The following PTPRD variants were observed in gnomAD, a reference collection of about 807,000 sequenced individuals.
The protein encoded by PTPRD is receptor-type tyrosine-protein phosphatase delta.
In PTPRD, 34 loss-of-function variants were observed where a neutral mutation model predicts 214.5. The ratio of observed to expected loss-of-function variants is 0.16; its 90% CI spans 0.12 to 0.21. The LOEUF (loss-of-function observed/expected upper bound fraction) is 0.21. Among genes scored for constraint, PTPRD ranks in the 10% least tolerant of loss-of-function variants. PTPRD has a pLI of 1.00. For synonymous variants in PTPRD, 1,128 were observed against 845.7 expected, an observed-to-expected ratio of 1.33 and a Z score of -5.79; for missense variants, 2,545 against 2,398.7, an observed-to-expected ratio of 1.06 and a Z score of -1.27.
At chr9:9,019,207 AG>A (rs1569427159) in intron 10 of PTPRD, among the ~76,000 whole-genome samples, 228 of 151,196 alleles carry the variant, frequency 1.5e-3, no homozygotes, top group African/African-American at 5.3e-3. Flanking sequence ...ACAACATCAC[AG>A]GATTTTTATT....
Position 10,504,048 on chromosome 9 carries a change from A to G in PTPRD, c.-600+108350T>C, listed in dbSNP as rs200799678. Among the ~76,000 whole-genome samples, 16 of 136,476 alleles carry G rather than the reference A, an allele frequency of 1.2e-4. No homozygotes were observed. In the East Asian group the frequency reaches 2.1e-3, roughly 18 times the overall value. The allele number at this position is 136,476 out of a possible 152,430, so 89.5% of individuals were successfully genotyped here. On this transcript the variant is annotated intron_variant, in intron 2 of 45. Coordinates refer to ENST00000381196, the MANE Select transcript of PTPRD (RefSeq NM_002839.4). The stretch of plus-strand genomic sequence containing the variant: ...GGAGAATGGCGTGAACCCGGGAGGC[A>G]GAGCTTGCAGTGAGCCGAGATCGCG...
intron 9 of PTPRD, among the ~76,000 whole-genome samples, chr9:9,362,433 G>A (rs1382752224): frequency 6.6e-6 from 1 of 151,174 alleles, no homozygotes; most frequent in Non-Finnish European, 1.5e-5. Context: ...ACAACACAGT[G>A]TGATATCTAC....
At chr9:9,248,037 A>G (rs2099973829) in intron 9 of PTPRD, among the ~76,000 whole-genome samples, 1 of 152,030 alleles carries the variant, frequency 6.6e-6, no homozygotes, top group African/African-American at 2.4e-5. Flanking sequence ...GGTATTGAGT[A>G]ACGTGTTAAG....
At chr9:9,929,337 T>C (rs1266786156) in intron 5 of PTPRD, among the ~76,000 whole-genome samples, 2 of 152,180 alleles carry the variant, frequency 1.3e-5, no homozygotes, top group African/African-American at 4.8e-5. Flanking sequence ...TCTATACCCC[T>C]TGCTATCAAG....
chr9:10,288,963 G>A (rs536836085), intron 3 of PTPRD, among the ~76,000 whole-genome samples: 294 of 151,476 alleles, frequency 1.9e-3, no homozygotes, highest in Non-Finnish European at 1.9e-3. Flanking sequence ...TCAGTTGGGA[G>A]TATAAGATGT....
intron 9 of PTPRD, among the ~76,000 whole-genome samples, chr9:9,390,239 G>C (rs962638526): frequency 1.3e-5 from 2 of 152,164 alleles, no homozygotes; most frequent in African/African-American, 4.8e-5. Context: ...AGGAGGTTAG[G>C]TGATGGGCAA....
intron 37 of PTPRD, among the ~76,000 whole-genome samples, chr9:8,380,264 C>T (rs991226173): frequency 1.3e-5 from 2 of 152,026 alleles, no homozygotes; most frequent in Non-Finnish European, 1.5e-5. Context: ...ATTAGCCTTA[C>T]TGACTAAGTG....
chr9:8,652,522 C>T (rs138986744), intron 12 of PTPRD, among the ~76,000 whole-genome samples: 111 of 152,328 alleles, frequency 7.3e-4, no homozygotes, highest in East Asian at 5.4e-3. Context: ...TGTAGCAATG[C>T]TTTTCATCCA....
chr9:10,527,998 T>C (rs1664682944), intron 2 of PTPRD, among the ~76,000 whole-genome samples: 1 of 152,100 alleles, frequency 6.6e-6, no homozygotes, highest in African/African-American at 2.4e-5. Flanking sequence ...TTAAAGCTAA[T>C]CATGACCTAA....
At chr9:10,559,129 C>T (rs1240503927) in intron 2 of PTPRD, among the ~76,000 whole-genome samples, 1 of 151,954 alleles carries the variant, frequency 6.6e-6, no homozygotes, top group Admixed American at 6.6e-5. Flanking sequence ...AACATGAAGA[C>T]CTTAAATGCT....
At chr9:9,229,894 C>T (rs1035957873) in intron 9 of PTPRD, among the ~76,000 whole-genome samples, 1 of 151,976 alleles carries the variant, frequency 6.6e-6, no homozygotes, top group Admixed American at 6.6e-5. Flanking sequence ...AAATTATACA[C>T]TTTTTAAATT....
At chr9:9,324,594 C>T (rs1319953873) in intron 9 of PTPRD, among the ~76,000 whole-genome samples, 10 of 152,182 alleles carry the variant, frequency 6.6e-5, no homozygotes, top group African/African-American at 2.2e-4. Flanking sequence ...GATATTAGCC[C>T]TTTGACAGAT....
intron 3 of PTPRD, among the ~76,000 whole-genome samples, chr9:10,180,266 G>A (rs62537312): frequency 0.13 from 20,402 of 151,894 alleles, 1,604 homozygotes; most frequent in South Asian, 0.21. Context: ...GCACAAAGAT[G>A]TTTCTTATAC....
At chr9:9,606,753 G>T (rs2094179716) in intron 7 of PTPRD, among the ~76,000 whole-genome samples, 1 of 151,610 alleles carries the variant, frequency 6.6e-6, no homozygotes. Flanking sequence ...AACAACAGAA[G>T]TTCTTACTAA....
chr9:10,367,389 C>G (rs2154475041), intron 2 of PTPRD, among the ~76,000 whole-genome samples: 1 of 152,168 alleles, frequency 6.6e-6, no homozygotes, highest in Non-Finnish European at 1.5e-5. Context: ...AGGAAGAGTT[C>G]TGCCCACTTC....
At chr9:9,401,707 T>A (rs533029498) in intron 8 of PTPRD, among the ~76,000 whole-genome samples, 2 of 151,950 alleles carry the variant, frequency 1.3e-5, no homozygotes, top group East Asian at 3.9e-4. Context: ...GTGCCCATAA[T>A]CCCCATGTGT....
At chr9:10,227,037 G>C (rs773297167) in intron 3 of PTPRD, among the ~76,000 whole-genome samples, 7 of 151,880 alleles carry the variant, frequency 4.6e-5, no homozygotes, top group Non-Finnish European at 1.0e-4. Flanking sequence ...CAACAAATAG[G>C]TGATGACAAC....
chr9:8,766,163 AC>A lies in PTPRD; in HGVS notation c.-103-32218del, dbSNP rs2094724153. On this transcript the variant is annotated intron_variant, in intron 11 of 45. Transcript: ENST00000381196. ...TCCTCAGGTAACATCATTTGGTTCA[AC>A]CCCATTTCGTTTTACCACTGATGAA... 2.0e-5 allele frequency among the ~76,000 whole-genome samples: 3 copies of A among 147,182 alleles called. No individual in the cohort carries two copies. The South Asian group carries it at 6.5e-4, about 32-fold the overall frequency.
chr9:9,736,741 C>G (rs759022394), intron 6 of PTPRD, among the ~76,000 whole-genome samples: 11 of 152,052 alleles, frequency 7.2e-5, no homozygotes, highest in East Asian at 1.9e-4. Context: ...GTGTATTCAT[C>G]TGAGAAGGTT....
Sources: gnomAD v4.1 joint callset for allele counts (sites outside exome capture counted in the v4.1 genomes callset) on GRCh38, gnomAD v4.1.1 for gene constraint, MANE v1.5 for transcripts, NCBI Gene and HGNC (gene_info 2026-07-23, HGNC 2026-07-21) for gene names.